JCAD: variants seen among roughly 807,000 people sequenced by gnomAD.
JCAD encodes junctional cadherin 5-associated protein.
Under a neutral mutation model 98.0 loss-of-function variants are expected in JCAD, and 40 were observed. The observed-to-expected ratio is 0.41, with a 90% confidence interval of 0.32 to 0.53. JCAD has a LOEUF of 0.53. Among genes scored for constraint, JCAD ranks in the 20% least tolerant of loss-of-function variants. The pLI, the probability that JCAD is intolerant of heterozygous loss-of-function variation, is 0.31. For missense variants in JCAD, 1,705 were observed against 1,738.1 expected (o/e 0.98, Z 0.34); for synonymous variants, 691 against 682.3 (o/e 1.01, Z -0.20).
chr10:30,071,138 C>A (rs1837878819), intron 1 of JCAD, among the ~76,000 whole-genome samples: 1 of 152,164 alleles, frequency 6.6e-6, no homozygotes, highest in African/African-American at 2.4e-5. Context: ...CTCCTGGCCT[C>A]AAGTGATCCA....
At position 30,026,979 on chromosome 10, in the gene JCAD, G is replaced by A. The variant is rs753555287; in HGVS notation, c.3169C>T (p.Gln1057Ter). The A allele has an allele frequency of 2.5e-6, 4 of 1,614,186 alleles. No homozygotes were observed. Among genetic ancestry groups the A allele is most frequent in the South Asian group, 1.1e-5 (1 of 91,078 alleles). Residue 1057 changes from glutamine (Q) to a stop codon, truncating the protein, a stop_gained, in exon 3 of 4, where the codon CAA becomes TAA. Transcript: ENST00000375377. LOFTEE classifies it high-confidence loss of function. The part of the protein sequence containing the change: ...DLRSVGLTPG[Q>*]EQGASELEGS... The stretch of plus-strand genomic sequence containing the variant: ...TCTAGCTCACTGGCACCCTGTTCTT[G>A]CCCAGGGGTGAGCCCCACAGACCGT...
At chr10:30,085,501 T>C (rs1462288772) in intron 1 of JCAD, among the ~76,000 whole-genome samples, 1 of 152,098 alleles carries the variant, frequency 6.6e-6, no homozygotes, top group African/African-American at 2.4e-5. Flanking sequence ...AAGACAGAGA[T>C]TAAGGAAGCA....
intron 2 of JCAD, 103 bp from the exon 3 acceptor site, chr10:30,029,969 A>C (rs781446764): frequency 4.7e-5 from 62 of 1,331,628 alleles, no homozygotes; most frequent in Non-Finnish European, 6.1e-5. Flanking sequence ...AACTTTGAAA[A>C]CTTGGTTCCC....
rs1459240742 is a variant in JCAD at position 30,092,068 on chromosome 10, T to C, written n.129-22247A>G. ...AAAAAAAAAAAAAAAAAAAAAAATA[T>C]ATATATATATATATATATATAAAGT... is the stretch of plus-strand genomic sequence containing the variant. On this transcript the variant is annotated intron_variant and non_coding_transcript_variant, in intron 1 of 2. Coordinates refer to the JCAD transcript ENST00000465712. 6.7e-4 allele frequency among the ~76,000 whole-genome samples: 18 copies of C among 27,036 alleles called. 2 individuals carry two copies. The East Asian group carries it at 0.023, about 34-fold the overall frequency. The allele number at this position is 27,036 out of a possible 152,430, so 17.7% of individuals were successfully genotyped here.
intron 2 of JCAD, among the ~76,000 whole-genome samples, chr10:30,038,193 G>A (rs1190292282): frequency 6.6e-6 from 1 of 152,266 alleles, no homozygotes; most frequent in East Asian, 1.9e-4. Flanking sequence ...CCTGGGACTG[G>A]GTTTTGGGGT....
intron 2 of JCAD, among the ~76,000 whole-genome samples, chr10:30,040,378 G>A (rs754910377): frequency 6.6e-6 from 1 of 152,278 alleles, no homozygotes; most frequent in African/African-American, 2.4e-5. Context: ...GATTATTTCA[G>A]TATTTTCATA....
rs1836516047 is a variant in JCAD at position 30,015,590 on chromosome 10, C to T, written c.*2293G>A. 6.6e-6 allele frequency: 1 copy of T among 152,136 alleles called. No homozygotes were observed. Among genetic ancestry groups the T allele is most frequent in the South Asian group, 2.1e-4 (1 of 4,824 alleles). The allele number at this position is 152,136 out of a possible 1,614,324, so 9.4% of individuals were successfully genotyped here. ...ACAATTTAAGATAACAAAACAGAAG[C>T]GCATCACATTTTGGTTTGAGAATCA... On this transcript the variant is annotated 3_prime_UTR_variant, in exon 4 of 4. Coordinates refer to ENST00000375377, the MANE Select transcript of JCAD (RefSeq NM_020848.4).
At chr10:30,099,446 G>C (rs1838432737) in intron 1 of JCAD, among the ~76,000 whole-genome samples, 1 of 151,670 alleles carries the variant, frequency 6.6e-6, no homozygotes, top group African/African-American at 2.4e-5. Flanking sequence ...ACTTTATTTA[G>C]TACCAATTTC....
intron 1 of JCAD, among the ~76,000 whole-genome samples, chr10:30,097,794 A>G (rs1237359933): frequency 6.6e-6 from 1 of 152,134 alleles, no homozygotes; most frequent in Non-Finnish European, 1.5e-5. Flanking sequence ...AGGAAAGAAA[A>G]GAGACACGGG....
At chr10:30,104,801 T>C (rs1197108868) in intron 1 of JCAD, among the ~76,000 whole-genome samples, 1 of 152,216 alleles carries the variant, frequency 6.6e-6, no homozygotes, top group African/African-American at 2.4e-5. Flanking sequence ...TTTGTTTGTT[T>C]GTTTGTTTTT....
chr10:30,021,857 C>T (rs1836666364), intron 3 of JCAD, among the ~76,000 whole-genome samples: 1 of 152,180 alleles, frequency 6.6e-6, no homozygotes, highest in African/African-American at 2.4e-5. Flanking sequence ...CTGAGGACTG[C>T]CCTGGTGGGT....
At chr10:30,025,326 T>C (rs1836765964) in intron 3 of JCAD, among the ~76,000 whole-genome samples, 1 of 151,650 alleles carries the variant, frequency 6.6e-6, no homozygotes, top group South Asian at 2.1e-4. Context: ...AAGACCAGCT[T>C]GGCCAATATG....
intron 1 of JCAD, among the ~76,000 whole-genome samples, chr10:30,071,920 A>G (rs145887605): frequency 2.2e-4 from 33 of 152,352 alleles, no homozygotes; most frequent in African/African-American, 7.7e-4. Context: ...CCTCTTCCTC[A>G]TAAAGGCAAG....
At chr10:30,041,960 T>C (rs139126527) in intron 2 of JCAD, among the ~76,000 whole-genome samples, 263 of 152,324 alleles carry the variant, frequency 1.7e-3, no homozygotes, top group African/African-American at 6.2e-3. Flanking sequence ...CCTCTTTGCC[T>C]ACTTCCTCTT....
In JCAD at chr10:30,029,224, C is replaced by T. The variant is rs749286517; in HGVS notation, c.924G>A (p.Ala308=). 2.4e-5 allele frequency: 38 copies of T among 1,613,984 alleles called. No individual in the cohort carries two copies. In the South Asian group the frequency reaches 2.5e-4, roughly 11 times the overall value. The change falls in exon 3 of 4, where the codon GCG becomes GCA. Residue 308 remains alanine (A), a synonymous_variant. Transcript: ENST00000375377. ...YSSHQQSRGG[A]DSSDSQDSQQ... Reference sequence around the variant, plus strand: ...GGCTGTCCTGAGAGTCACTGCTGTCCGCTCCTCCCCTAGACTGCTGGTGCG... The same window carrying T: ...GGCTGTCCTGAGAGTCACTGCTGTCTGCTCCTCCCCTAGACTGCTGGTGCG...
At chr10:30,095,575 T>C (rs917992047) in intron 1 of JCAD, among the ~76,000 whole-genome samples, 1 of 152,222 alleles carries the variant, frequency 6.6e-6, no homozygotes, top group African/African-American at 2.4e-5. Flanking sequence ...ATTTTGTTCT[T>C]TTCTCATTTG....
Position 30,017,178 on chromosome 10 carries a change from T to C in JCAD, c.*705A>G, listed in dbSNP as rs1272634686. The C allele has an allele frequency of 6.6e-6, 1 of 152,134 alleles. No homozygotes were observed. The highest frequency in any genetic ancestry group is 1.9e-4 in the East Asian group (1 of 5,202). The allele number at this position is 152,134 out of a possible 1,614,324, so 9.4% of individuals were successfully genotyped here. ...CCATACAGAAAATAAAAATAGATAA[T>C]ACTGAGTGCAAAGCAGACAATGGCG... On this transcript the variant is annotated 3_prime_UTR_variant, in exon 4 of 4. Transcript: ENST00000375377.
chr10:30,065,620 G>C (rs1289196257), intron 2 of JCAD, among the ~76,000 whole-genome samples: 1 of 151,968 alleles, frequency 6.6e-6, no homozygotes, highest in Admixed American at 6.6e-5. Context: ...TCCTCCCTCA[G>C]CCTCCTAAGT....
chr10:30,022,858 G>T lies in JCAD; in HGVS notation c.4045+3245C>A, dbSNP rs570310567. 3.3e-5 allele frequency among the ~76,000 whole-genome samples: 5 copies of T among 152,144 alleles called. No individual in the cohort carries two copies. In the South Asian group the frequency reaches 1.0e-3, roughly 32 times the overall value. ...AATGTGGTGTAGCCTAAGTGTACAG[G>T]GTTTATAAAGTCTACAGTAGTGTAG... On this transcript the variant is annotated intron_variant, in intron 3 of 3. Transcript: ENST00000375377.
Sources: gnomAD v4.1 joint callset for allele counts (sites outside exome capture counted in the v4.1 genomes callset) on GRCh38, gnomAD v4.1.1 for gene constraint, MANE v1.5 for transcripts, NCBI Gene and HGNC (gene_info 2026-07-23, HGNC 2026-07-21) for gene names.